The following EYA2 variants were observed in gnomAD, a reference collection of about 807,000 sequenced individuals.
The protein encoded by EYA2 is EYA transcriptional coactivator and phosphatase 2.
EYA2 carries 31 observed loss-of-function variants against 69.2 expected under a neutral mutation model. The ratio of observed to expected loss-of-function variants is 0.45; its 90% CI spans 0.34 to 0.60. EYA2 has a LOEUF of 0.60. EYA2 is among the 20% of genes least tolerant of loss of function. The pLI is 0.02. For synonymous variants in EYA2, 257 were observed against 279.4 expected, an observed-to-expected ratio of 0.92 and a Z score of 0.80; for missense variants, 622 against 701.2, an observed-to-expected ratio of 0.89 and a Z score of 1.28.
At chr20:47,172,557 C>A in intron 11 of EYA2, 150 bp from the exon 12 acceptor site, 2 of 666,734 alleles carry the variant, frequency 3.0e-6, no homozygotes, top group South Asian at 2.6e-5. Context: ...TGCTGCCCCC[C>A]AAATGCACAC....
intron 9 of EYA2, among the ~76,000 whole-genome samples, chr20:47,099,963 G>A (rs2032377444): frequency 6.6e-6 from 1 of 151,994 alleles, no homozygotes; most frequent in Non-Finnish European, 1.5e-5. Flanking sequence ...AATGAATCAG[G>A]GTGATCCCCT....
At chr20:46,924,300 C>T (rs1333174009) in intron 1 of EYA2, among the ~76,000 whole-genome samples, 1 of 152,104 alleles carries the variant, frequency 6.6e-6, no homozygotes, top group Non-Finnish European at 1.5e-5. Context: ...AAACTCCTCT[C>T]AAGTTTAAAA....
At chr20:46,931,627 A>C (rs187945303) in intron 1 of EYA2, among the ~76,000 whole-genome samples, 2 of 152,292 alleles carry the variant, frequency 1.3e-5, no homozygotes, top group Admixed American at 1.3e-4. Flanking sequence ...CATTCTTACG[A>C]GCAAGTTTTT....
chr20:47,009,842 T>A (rs1982950390), intron 4 of EYA2, among the ~76,000 whole-genome samples: 1 of 152,272 alleles, frequency 6.6e-6, no homozygotes, highest in African/African-American at 2.4e-5. Flanking sequence ...TTGCTGACCT[T>A]TAATGTAGAG....
At chr20:47,107,628 G>A (rs2032626661) in intron 9 of EYA2, among the ~76,000 whole-genome samples, 1 of 151,592 alleles carries the variant, frequency 6.6e-6, no homozygotes, top group Admixed American at 6.6e-5. Flanking sequence ...ATTGCTTGAG[G>A]CCAGAAGTTC....
At chr20:47,078,374 C>G (rs951918975) in intron 7 of EYA2, among the ~76,000 whole-genome samples, 10 of 150,954 alleles carry the variant, frequency 6.6e-5, no homozygotes, top group Non-Finnish European at 1.3e-4. Flanking sequence ...TTCATGCACT[C>G]TTTTTAAATT....
intron 5 of EYA2, among the ~76,000 whole-genome samples, chr20:47,020,243 G>A (rs1386905671): frequency 6.6e-6 from 1 of 152,124 alleles, no homozygotes; most frequent in Non-Finnish European, 1.5e-5. Flanking sequence ...AGTGTCTTAC[G>A]GAAGATCACA....
At chr20:46,908,918 G>C in intron 1 of EYA2, among the ~76,000 whole-genome samples, 1 of 109,142 alleles carries the variant, frequency 9.2e-6, no homozygotes, top group Non-Finnish European at 1.7e-5. Flanking sequence ...ACCAATTCCT[G>C]ACCAGAAAGG....
At chr20:47,152,947 A>C (rs1323140689) in intron 10 of EYA2, among the ~76,000 whole-genome samples, 1 of 151,674 alleles carries the variant, frequency 6.6e-6, no homozygotes, top group Non-Finnish European at 1.5e-5. Context: ...GAAAAAAAAA[A>C]GAAAGAAACT....
At chr20:47,132,303 A>G (rs983656090) in intron 9 of EYA2, among the ~76,000 whole-genome samples, 38 of 152,212 alleles carry the variant, frequency 2.5e-4, no homozygotes, top group African/African-American at 9.2e-4. Context: ...TAAGTTAATA[A>G]TAACACAGCT....
chr20:46,991,719 C>T (rs1009658114), intron 2 of EYA2, among the ~76,000 whole-genome samples: 2 of 152,138 alleles, frequency 1.3e-5, no homozygotes, highest in African/African-American at 4.8e-5. Flanking sequence ...CCTGTAATCC[C>T]AGCACTTTGG....
intron 9 of EYA2, among the ~76,000 whole-genome samples, chr20:47,116,067 C>T (rs1253302197): frequency 6.6e-6 from 1 of 152,062 alleles, no homozygotes; most frequent in African/African-American, 2.4e-5. Flanking sequence ...GGTTAAAAAC[C>T]TCCTACTGAT....
At chr20:47,056,666 T>A (rs1274183135) in intron 5 of EYA2, among the ~76,000 whole-genome samples, 1 of 152,170 alleles carries the variant, frequency 6.6e-6, no homozygotes, top group Non-Finnish European at 1.5e-5. Context: ...GGGAAAATCA[T>A]GAGTTATATC....
At chr20:47,010,319 A>G (rs1982979261) in intron 4 of EYA2, among the ~76,000 whole-genome samples, 1 of 152,058 alleles carries the variant, frequency 6.6e-6, no homozygotes, top group South Asian at 2.1e-4. Context: ...AGTCCCTCTC[A>G]TGCTGCTGTG....
chr20:47,120,633 A>G (rs182778039), intron 9 of EYA2, among the ~76,000 whole-genome samples: 6 of 152,156 alleles, frequency 3.9e-5, no homozygotes, highest in Non-Finnish European at 8.8e-5. Context: ...ATCAAATCCC[A>G]TCCCCACCAC....
chr20:46,933,421 G>A (rs1433148879), intron 1 of EYA2, among the ~76,000 whole-genome samples: 1 of 152,178 alleles, frequency 6.6e-6, no homozygotes, highest in African/African-American at 2.4e-5. Context: ...CCCATAAGGA[G>A]ACAACACTCC....
chr20:46,941,857 C>T (rs375063970), intron 1 of EYA2, among the ~76,000 whole-genome samples: 1 of 151,616 alleles, frequency 6.6e-6, no homozygotes, highest in Non-Finnish European at 1.5e-5. Flanking sequence ...CTCCTGGGCT[C>T]AAGGAACTCT....
intron 5 of EYA2, among the ~76,000 whole-genome samples, chr20:47,031,101 G>A (rs1400870695): frequency 6.6e-6 from 1 of 152,352 alleles, no homozygotes; most frequent in African/African-American, 2.4e-5. Flanking sequence ...CAAATGACAA[G>A]ATGATGTCAA....
At chr20:47,007,792 A>AT (rs1238892460) in intron 4 of EYA2, among the ~76,000 whole-genome samples, 1 of 150,476 alleles carries the variant, frequency 6.6e-6, no homozygotes, top group Non-Finnish European at 1.5e-5. Context: ...ATTTTTTTTT[A>AT]TTTTTTTGTA....
Sources: gnomAD v4.1 joint callset for allele counts (sites outside exome capture counted in the v4.1 genomes callset) on GRCh38, gnomAD v4.1.1 for gene constraint, MANE v1.5 for transcripts, NCBI Gene and HGNC (gene_info 2026-07-23, HGNC 2026-07-21) for gene names.